MTUS2: variants seen among roughly 807,000 people sequenced by gnomAD.
MTUS2 encodes the protein microtubule-associated tumor suppressor candidate 2.
MTUS2 carries 40 observed loss-of-function variants against 114.1 expected under a neutral mutation model. That is an observed-to-expected ratio of 0.35 (90% CI 0.27 to 0.46). The LOEUF is 0.46. Among genes scored for constraint, MTUS2 ranks in the 20% least tolerant of loss-of-function variants. MTUS2 has a pLI of 1.00. For missense variants in MTUS2, 1,679 were observed against 1,705.4 expected, an observed-to-expected ratio of 0.98 and a Z score of 0.27; for synonymous variants, 688 against 672.0, an observed-to-expected ratio of 1.02 and a Z score of -0.37.
At chr13:28,861,285 T>A (rs1285980126) in intron 2 of MTUS2, among the ~76,000 whole-genome samples, 1 of 152,180 alleles carries the variant, frequency 6.6e-6, no homozygotes, top group African/African-American at 2.4e-5. Context: ...AGAGAATGAA[T>A]CACAGGTAGT....
chr13:28,828,774 C>G (rs1297719233), intron 1 of MTUS2, among the ~76,000 whole-genome samples: 1 of 151,768 alleles, frequency 6.6e-6, no homozygotes, highest in African/African-American at 2.4e-5. Context: ...AAGATTAATG[C>G]AAAAAATCCA....
intron 2 of MTUS2, among the ~76,000 whole-genome samples, chr13:28,903,401 T>A (rs1457058689): frequency 7.0e-6 from 1 of 142,834 alleles, no homozygotes; most frequent in African/African-American, 2.6e-5. Flanking sequence ...CTCCTAATGC[T>A]ATCCCTCCCC....
At chr13:29,292,383 T>C (rs568691733) in intron 6 of MTUS2, among the ~76,000 whole-genome samples, 54 of 152,224 alleles carry the variant, frequency 3.5e-4, no homozygotes, top group Non-Finnish European at 6.8e-4. Flanking sequence ...GAGTTTTTGG[T>C]GAGTGATTCT....
At chr13:28,995,172 T>G (rs971192360) in intron 2 of MTUS2, among the ~76,000 whole-genome samples, 1 of 152,202 alleles carries the variant, frequency 6.6e-6, no homozygotes, top group Non-Finnish European at 1.5e-5. Flanking sequence ...TTTCCCCATT[T>G]CTTGTTTTTG....
intron 8 of MTUS2, among the ~76,000 whole-genome samples, chr13:29,388,121 A>T (rs1872754567): frequency 6.6e-6 from 1 of 152,034 alleles, no homozygotes; most frequent in Non-Finnish European, 1.5e-5. Flanking sequence ...GTCTCCATGG[A>T]ATTAATCCAG....
In MTUS2 at chr13:29,501,214, C is replaced by T; in HGVS notation, c.3896+20C>T. On this transcript the variant is annotated intron_variant, in intron 15 of 15. Transcript: ENST00000612955. ...CACCAGGTAGGTGGGCTGGGTGTCA[C>T]CTACAAAGTGACTTTCCTCTTGAGC... The T allele has an allele frequency of 1.3e-6, 2 of 1,586,624 alleles. No individual in the cohort carries two copies. The highest frequency in any genetic ancestry group is 4.5e-5 in the East Asian group (2 of 44,750).
chr13:29,244,457 A>G (rs557104879), intron 5 of MTUS2, among the ~76,000 whole-genome samples: 1 of 152,214 alleles, frequency 6.6e-6, no homozygotes, highest in Non-Finnish European at 1.5e-5. Context: ...GTGAGGGCAG[A>G]GGAGGCTGAT....
intron 2 of MTUS2, among the ~76,000 whole-genome samples, chr13:28,938,217 A>G (rs1364759777): frequency 5.3e-5 from 8 of 152,054 alleles, no homozygotes; most frequent in African/African-American, 1.9e-4. Flanking sequence ...ACCTGTCTCT[A>G]CTAAAAATAC....
Position 29,026,515 on chromosome 13 carries a change from A to G in MTUS2, c.1817A>G (p.Lys606Arg), listed in dbSNP as rs757214760. 6.8e-6 allele frequency: 11 copies of G among 1,613,840 alleles called. No homozygotes were observed. The Admixed American group carries it at 8.3e-5, about 12-fold the overall frequency. Residue 606 changes from lysine to arginine, a missense_variant, in exon 3 of 16, where the codon AAG becomes AGG. Physicochemically the swap from Lys to Arg is conservative, Grantham distance 26. Around this residue, in one of 3 missense-constraint regions of MTUS2, gnomAD observed 843 missense variants for 770.8 expected, o/e 1.09. Coordinates refer to ENST00000612955, the MANE Select transcript of MTUS2 (RefSeq NM_001033602.4). Reference protein sequence around the residue: ...GIPKPVFTHSKDTPSSQEGME... With the variant: ...GIPKPVFTHSRDTPSSQEGME... ...CCCAAGCCTGTCTTCACACATTCCA[A>G]GGACACACCTTCCTCGCAGGAGGGA...
At chr13:28,900,850 C>G (rs554086891) in intron 2 of MTUS2, among the ~76,000 whole-genome samples, 2 of 152,342 alleles carry the variant, frequency 1.3e-5, no homozygotes, top group South Asian at 4.1e-4. Flanking sequence ...GCTTAACATT[C>G]ATGTGCAGGT....
rs185239120 is a variant in MTUS2, at chr13:28,872,362, G to C, written c.-243+32512G>C. On this transcript the variant is annotated intron_variant, in intron 2 of 15. Transcript: ENST00000612955. ...TTTTACTTCATTGGGGGAATACTTG[G>C]AGAATAATAGGTTTTTGGGAAAAAA... Among the ~76,000 whole-genome samples the C allele has an allele frequency of 9.9e-4, 150 of 152,266 alleles. 1 individual carries two copies. Among genetic ancestry groups the C allele is most frequent in the African/African-American group, 3.4e-3 (140 of 41,548 alleles).
chr13:29,164,403 A>G (rs1031822219), intron 5 of MTUS2, among the ~76,000 whole-genome samples: 3 of 152,218 alleles, frequency 2.0e-5, no homozygotes, highest in Admixed American at 6.5e-5. Flanking sequence ...ATTTTGGCAG[A>G]TGTGCGCTAC....
At chr13:29,010,977 C>T (rs935779017) in intron 2 of MTUS2, among the ~76,000 whole-genome samples, 1 of 152,090 alleles carries the variant, frequency 6.6e-6, no homozygotes, top group East Asian at 1.9e-4. Flanking sequence ...GACCACCTGC[C>T]AGAGAGGACG....
chr13:29,066,339 A>C (rs1399321091), intron 4 of MTUS2, among the ~76,000 whole-genome samples: 1 of 152,236 alleles, frequency 6.6e-6, no homozygotes, highest in Non-Finnish European at 1.5e-5. Context: ...GTGATAACAA[A>C]GGGATTTAAA....
At chr13:28,956,730 G>C (rs1883085293) in intron 2 of MTUS2, among the ~76,000 whole-genome samples, 2 of 152,212 alleles carry the variant, frequency 1.3e-5, no homozygotes, top group Admixed American at 6.5e-5. Flanking sequence ...GCAGTCCTGG[G>C]GAGGTTGTAT....
At chr13:28,899,433 A>G (rs958933691) in intron 2 of MTUS2, among the ~76,000 whole-genome samples, 4 of 152,116 alleles carry the variant, frequency 2.6e-5, no homozygotes, top group African/African-American at 4.8e-5. Context: ...TTTTTGAGAC[A>G]TAGTCTCACT....
intron 2 of MTUS2, among the ~76,000 whole-genome samples, chr13:28,989,915 C>T (rs1884756229): frequency 6.7e-6 from 1 of 149,636 alleles, no homozygotes; most frequent in African/African-American, 2.5e-5. Flanking sequence ...CAAATCATGA[C>T]ATTGTGAGGG....
intron 3 of MTUS2, among the ~76,000 whole-genome samples, chr13:29,030,630 C>T (rs1411672193): frequency 6.6e-6 from 1 of 152,150 alleles, no homozygotes; most frequent in Non-Finnish European, 1.5e-5. Context: ...CAGTGTGCCC[C>T]AAGCTCATCA....
intron 4 of MTUS2, among the ~76,000 whole-genome samples, chr13:29,050,587 C>A (rs2138600061): frequency 6.6e-6 from 1 of 152,324 alleles, no homozygotes; most frequent in Non-Finnish European, 1.5e-5. Flanking sequence ...CCATCAGCGT[C>A]ATCTTACCCC....
Sources: allele counts gnomAD v4.1 joint callset (sites outside exome capture counted in the v4.1 genomes callset), GRCh38; gene constraint gnomAD v4.1.1; regional missense constraint gnomAD v4.1.1; transcripts MANE v1.5; gene names NCBI Gene and HGNC (gene_info 2026-07-23, HGNC 2026-07-21).